Variants in MTF1 observed in about 807,000 individuals in gnomAD.
The protein encoded by MTF1 is MRE-binding transcription factor.
A neutral mutation model predicts 70.4 loss-of-function variants in MTF1; 22 were observed. The observed-to-expected ratio is 0.31, with a 90% CI of 0.22 to 0.45. MTF1 has a LOEUF of 0.45. Among genes scored for constraint, MTF1 ranks in the 20% least tolerant of loss-of-function variants. The pLI is 1.00. For synonymous variants in MTF1, 333 were observed against 352.8 expected, an observed-to-expected ratio of 0.94 and a Z score of 0.63; for missense variants, 649 against 922.0, an observed-to-expected ratio of 0.70 and a Z score of 3.83.
rs760126684 is a variant in MTF1, at chr1:37,815,233, G to T, written c.2165C>A (p.Ser722Tyr). 5 of 1,614,160 alleles carry T rather than the reference G, an allele frequency of 3.1e-6. No individual in the cohort carries two copies. Among genetic ancestry groups the T allele is most frequent in the Non-Finnish European group, 4.2e-6 (5 of 1,180,020 alleles). ...GGACGGGGTGTCCAGGCTCTGGAGGGATAGAAACTCTGACACATCCATGGC... is the reference window on the plus strand; with the variant it reads ...GGACGGGGTGTCCAGGCTCTGGAGGTATAGAAACTCTGACACATCCATGGC... ...LSAMDVSEFL[S>Y]LQSLDTPSNL... is the part of the protein sequence containing the mutation. The change falls in exon 11 of 11, where the codon TCC becomes TAC. Residue 722 changes from serine (S) to tyrosine (Y), a missense_variant. Physicochemically the swap from Ser to Tyr is moderately radical, Grantham distance 144. This residue lies in a region of MTF1 where 138 missense variants were observed against 134.4 expected (regional missense o/e 1.03). Coordinates refer to ENST00000373036, the MANE Select transcript of MTF1 (RefSeq NM_005955.3). This position sits in a 1 kb window ranked among gnomAD's most constrained non-coding sequence, Gnocchi z 4.5.
At chr1:37,838,562 A>C in intron 4 of MTF1, 63 bp downstream of exon 4, 1 of 1,450,192 alleles carries the variant, frequency 6.9e-7, no homozygotes, top group Non-Finnish European at 9.5e-7. Flanking sequence ...GAAAAATTCC[A>C]GAGTATATCA....
chr1:37,849,147 C>T (rs1384225419), intron 2 of MTF1, among the ~76,000 whole-genome samples: 3 of 152,150 alleles, frequency 2.0e-5, no homozygotes, highest in Non-Finnish European at 4.4e-5. Context: ...TGCTGTAGGC[C>T]AGGCGCAGCA....
chr1:37,845,946 A>G (rs953298930), intron 2 of MTF1, among the ~76,000 whole-genome samples: 1 of 152,222 alleles, frequency 6.6e-6, no homozygotes, highest in African/African-American at 2.4e-5. Flanking sequence ...TGTGTCTTTC[A>G]GAATCATTTT....
At chr1:37,816,136 G>C (rs1166405645) in intron 10 of MTF1, among the ~76,000 whole-genome samples, 1 of 152,168 alleles carries the variant, frequency 6.6e-6, no homozygotes, top group Admixed American at 6.5e-5. Flanking sequence ...AGGAGACTCT[G>C]AGCTCCTTTA....
chr1:37,846,391 TAA>T (rs370112178), intron 2 of MTF1, among the ~76,000 whole-genome samples: 115 of 113,164 alleles, frequency 1.0e-3, no homozygotes, highest in Middle Eastern at 3.9e-3. Flanking sequence ...AGACCCCATT[TAA>T]AAAAAAAAAA....
intron 7 of MTF1, among the ~76,000 whole-genome samples, chr1:37,824,158 T>TAA (rs774213232): frequency 2.6e-5 from 4 of 152,168 alleles, no homozygotes; most frequent in Non-Finnish European, 4.4e-5. Context: ...CTCAAACACT[T>TAA]AAAACAGGAA....
rs373434068 is a variant in MTF1, at chr1:37,853,857, A to G, written c.408+3394T>C. On this transcript the variant is annotated intron_variant, in intron 2 of 10. Transcript: ENST00000373036. ...ATTGGTGTAAACAATTTCTGCTTCT[A>G]TGCTATAAATCGACTACCACAATCA... is the stretch of plus-strand genomic sequence containing the variant. 1.4e-4 allele frequency among the ~76,000 whole-genome samples: 21 copies of G among 152,314 alleles called. No homozygotes were observed. In the South Asian group the frequency reaches 4.1e-3, roughly 30 times the overall value.
At chr1:37,834,771 AAG>A (rs1418337095) in intron 6 of MTF1, 1 of 528,022 alleles carries the variant, frequency 1.9e-6, no homozygotes, top group Non-Finnish European at 3.6e-6. Context: ...TGAGGGAAAA[AAG>A]AGTCAAGAAT....
chr1:37,835,691 G>A lies in MTF1; in HGVS notation c.833C>T (p.Thr278Ile). The change falls in exon 5 of 11, where the codon ACT (threonine) becomes ATT (isoleucine). Residue 278 changes from threonine to isoleucine, a missense_variant. Coordinates refer to ENST00000373036, the MANE Select transcript of MTF1 (RefSeq NM_005955.3). ...KAFAASHHLK[T>I]HVRTHTGERP... ...CTCACCAGTATGTGTACGAACGTGA[G>A]TTTTAAGGTGGTGGCTTGCTGCAAA... 1.9e-6 allele frequency: 3 copies of A among 1,614,130 alleles called. No individual in the cohort carries two copies. Among genetic ancestry groups the A allele is most frequent in the South Asian group, 1.1e-5 (1 of 91,088 alleles).
intron 7 of MTF1, among the ~76,000 whole-genome samples, chr1:37,831,989 C>T (rs1263180530): frequency 6.6e-6 from 1 of 152,018 alleles, no homozygotes; most frequent in Non-Finnish European, 1.5e-5. Flanking sequence ...TAAATATTTG[C>T]TAAATGAGTA....
intron 2 of MTF1, among the ~76,000 whole-genome samples, chr1:37,843,548 C>T (rs1403768049): frequency 1.3e-5 from 2 of 152,084 alleles, no homozygotes; most frequent in Non-Finnish European, 2.9e-5. Flanking sequence ...ATAGTTTAGG[C>T]TTTGTGGGCC....
chr1:37,852,372 C>CT (rs2148422214), intron 2 of MTF1, among the ~76,000 whole-genome samples: 1 of 152,334 alleles, frequency 6.6e-6, no homozygotes, highest in Admixed American at 6.5e-5. Context: ...CCCATCAAAA[C>CT]TTTTTCCTTT....
chr1:37,828,464 C>A (rs1399573375), intron 7 of MTF1, among the ~76,000 whole-genome samples: 1 of 152,152 alleles, frequency 6.6e-6, no homozygotes, highest in Non-Finnish European at 1.5e-5. Flanking sequence ...GCCACCACAC[C>A]CGGCTAATTT....
Position 37,817,472 on chromosome 1 carries a change from G to C in MTF1, c.1778C>G (p.Ser593Cys). Residue 593 changes from serine (S) to cysteine (C), a missense_variant, in exon 10 of 11, where the codon TCT becomes TGT. Around this residue, in one of 7 missense-constraint regions of MTF1, gnomAD observed 39 missense variants for 97.8 expected, o/e 0.40. Coordinates refer to ENST00000373036, the MANE Select transcript of MTF1 (RefSeq NM_005955.3). ...GGTAAAAAACACCTTCTCAACTTTA[G>C]ATGCTTGCTGCTGAAAAAAGAAAAA... ...PQNQEQIQQA[S>C]KVEKVFFTTA... is the part of the protein sequence containing the mutation. 1 of 1,611,282 alleles carries C rather than the reference G, an allele frequency of 6.2e-7. No individual in the cohort carries two copies. Among genetic ancestry groups the C allele is most frequent in the Non-Finnish European group, 8.5e-7 (1 of 1,177,446 alleles).
At position 37,821,368 on chromosome 1, in the gene MTF1, A is replaced by G. The variant is rs532952838; in HGVS notation, c.1767+753T>C. On this transcript the variant is annotated intron_variant, in intron 9 of 10. Transcript: ENST00000373036. ...AGTCCTTACACATAGTAAGGACTCAATGAATAATAGCTGTTGATGTTTTTT... is the reference window on the plus strand; with the variant it reads ...AGTCCTTACACATAGTAAGGACTCAGTGAATAATAGCTGTTGATGTTTTTT... Among the ~76,000 whole-genome samples, 12 of 152,022 alleles carry G rather than the reference A, an allele frequency of 7.9e-5. No individual in the cohort carries two copies. The East Asian group carries it at 1.7e-3, about 22-fold the overall frequency.
At chr1:37,827,813 G>A (rs964165125) in intron 7 of MTF1, among the ~76,000 whole-genome samples, 7 of 152,088 alleles carry the variant, frequency 4.6e-5, no homozygotes, top group Non-Finnish European at 7.4e-5. Flanking sequence ...AAGTATTTGC[G>A]GTTTTTGCCA....
At chr1:37,835,850 G>A in intron 4 of MTF1, 106 bp from the exon 5 acceptor site, 4 of 907,200 alleles carry the variant, frequency 4.4e-6, no homozygotes, top group Middle Eastern at 2.6e-4. Context: ...CCCAAGGCTG[G>A]AGTGCAGTGG....
At chr1:37,842,548 C>T (rs560540007) in intron 2 of MTF1, among the ~76,000 whole-genome samples, 23 of 152,286 alleles carry the variant, frequency 1.5e-4, no homozygotes, top group Middle Eastern at 6.8e-3. Flanking sequence ...TGCCTTGGGG[C>T]ACTCTTTAAC....
intron 7 of MTF1, chr1:37,828,136 C>T (rs757453927): frequency 1.8e-4 from 71 of 388,980 alleles, no homozygotes; most frequent in Non-Finnish European, 3.1e-4. Flanking sequence ...AGAAAAGCCA[C>T]ACATAAACAA....
Sources: allele counts gnomAD v4.1 joint callset (sites outside exome capture counted in the v4.1 genomes callset), GRCh38; gene constraint gnomAD v4.1.1; regional missense constraint gnomAD v4.1.1; non-coding constraint Gnocchi (gnomAD v3.1); transcripts MANE v1.5; gene names NCBI Gene and HGNC (gene_info 2026-07-23, HGNC 2026-07-21).